The following MYO19 variants were observed in gnomAD, a reference collection of about 807,000 sequenced individuals.
The protein encoded by MYO19 is myosin XIX.
Under a neutral mutation model 129.2 loss-of-function variants are expected in MYO19, and 132 were observed. The observed-to-expected ratio is 1.02, with a 90% CI of 0.89 to 1.18. The LOEUF (loss-of-function observed/expected upper bound fraction) is 1.18. Among genes scored for constraint, MYO19 ranks in the 50% most tolerant of loss-of-function variants. The pLI is 0.00. For synonymous variants in MYO19, 531 were observed against 477.2 expected (o/e 1.11, Z -1.47); for missense variants, 1,210 against 1,216.7 (o/e 0.99, Z 0.08).
intron 6 of MYO19, among the ~76,000 whole-genome samples, chr17:36,519,353 C>T (rs1173092609): frequency 1.3e-5 from 2 of 152,192 alleles, no homozygotes; most frequent in South Asian, 2.1e-4. Context: ...AGCAACATTG[C>T]TTGTTCTAAT....
chr17:36,542,661 T>G (rs535793012), intron 1 of MYO19, among the ~76,000 whole-genome samples: 5 of 150,004 alleles, frequency 3.3e-5, no homozygotes, highest in Admixed American at 3.3e-4. Context: ...ATAGCGCCAC[T>G]GCACTCCAGC....
intron 3 of MYO19, among the ~76,000 whole-genome samples, chr17:36,531,080 T>C (rs2073806602): frequency 6.6e-6 from 1 of 150,478 alleles, no homozygotes; most frequent in Admixed American, 6.6e-5. Flanking sequence ...AAAATAAAAA[T>C]AAATAAACAA....
chr17:36,521,935 G>A (rs925346790), intron 6 of MYO19, among the ~76,000 whole-genome samples: 10 of 149,912 alleles, frequency 6.7e-5, no homozygotes, highest in African/African-American at 2.2e-4. Context: ...GGAAGCTGAG[G>A]CAGGAGAATT....
At chr17:36,510,524 T>C (rs1380443120) in intron 13 of MYO19, among the ~76,000 whole-genome samples, 1 of 152,190 alleles carries the variant, frequency 6.6e-6, no homozygotes, top group Non-Finnish European at 1.5e-5. Context: ...GCCAGGAATG[T>C]AGCAACTTTC....
intron 21 of MYO19, chr17:36,502,667 G>A (rs2071613387): frequency 5.5e-6 from 1 of 181,402 alleles, no homozygotes; most frequent in African/African-American, 2.4e-5. Flanking sequence ...ATTCCTTGAT[G>A]GAGCCCTACC....
upstream of MYO19, among the ~76,000 whole-genome samples, chr17:36,544,415 G>A (rs73278809): frequency 4.4e-3 from 669 of 152,270 alleles, 8 homozygotes; most frequent in African/African-American, 0.016. Flanking sequence ...CCAAGAGCCA[G>A]ACCTGAGTTT....
At chr17:36,496,540 A>C in intron 25 of MYO19, 134 bp from the exon 26 acceptor site, 1 of 776,010 alleles carries the variant, frequency 1.3e-6, no homozygotes, top group East Asian at 2.7e-5. Context: ...AGCAGGATTA[A>C]AATAGCATTA....
At position 36,542,460 on chromosome 17, in the gene MYO19, G is replaced by A. The variant is rs572596075; in HGVS notation, n.311-295C>T. Among the ~76,000 whole-genome samples, 7 of 152,256 alleles carry A rather than the reference G, an allele frequency of 4.6e-5. No individual in the cohort carries two copies. The South Asian group carries it at 1.5e-3, about 32-fold the overall frequency. On this transcript the variant is annotated intron_variant and non_coding_transcript_variant, in intron 1 of 2. Transcript: ENST00000610496. The stretch of plus-strand genomic sequence containing the variant: ...CACGCCTGTAATCCCAGCACTTTGG[G>A]AGGCCGAGGCGGGCGGATCAAGAGG...
chr17:36,496,133 CTGT>C lies in MYO19; in HGVS notation c.*115_*117del, dbSNP rs1166462451. ...TCTGGGTCGAAGGCTGGAGCCGTCA[CTGT>C]TGTTCATGTGCATTTGGAGCACTGT... On this transcript the variant is annotated 3_prime_UTR_variant, in exon 26 of 26. Transcript: ENST00000614623. 5 of 1,383,242 alleles carry C rather than the reference CTGT, an allele frequency of 3.6e-6. No homozygotes were observed. Among genetic ancestry groups the C allele is most frequent in the Non-Finnish European group, 5.0e-6 (5 of 997,540 alleles). The allele number at this position is 1,383,242 out of a possible 1,614,324, so 85.7% of individuals were successfully genotyped here.
intron 6 of MYO19, among the ~76,000 whole-genome samples, chr17:36,520,801 GTTAT>G (rs1355072427): frequency 3.9e-5 from 6 of 152,148 alleles, no homozygotes; most frequent in African/African-American, 1.4e-4. Flanking sequence ...TGACTGTTAT[GTTAT>G]TTGTCAGGTT....
intron 12 of MYO19, 147 bp downstream of exon 12, chr17:36,511,218 G>T: frequency 1.2e-6 from 1 of 826,402 alleles, no homozygotes. Flanking sequence ...AGGGTGAGGA[G>T]TAAATGATCC....
intron 6 of MYO19, among the ~76,000 whole-genome samples, chr17:36,522,028 T>TAAAA (rs370448301): frequency 8.7e-6 from 1 of 115,288 alleles, no homozygotes. Context: ...AGACTGTCTT[T>TAAAA]AAAAAAAAAA....
upstream of MYO19, among the ~76,000 whole-genome samples, chr17:36,543,863 G>A (rs2074216727): frequency 2.6e-5 from 4 of 151,986 alleles, no homozygotes. Flanking sequence ...TGACCCTCAG[G>A]TGATCCACCC....
intron 11 of MYO19, 170 bp downstream of exon 11, chr17:36,513,259 G>C: frequency 6.8e-7 from 1 of 1,473,094 alleles, no homozygotes; most frequent in Non-Finnish European, 8.9e-7. Context: ...CCCACCACCT[G>C]GTCTCCAGAC....
At chr17:36,537,013 A>G (rs765156151), upstream of MYO19, 12 of 1,212,354 alleles carry the variant, frequency 9.9e-6, no homozygotes, top group African/African-American at 3.1e-5. Context: ...TCTAGTAATA[A>G]GAGTAAAATT....
chr17:36,537,189 G>T (rs1253849400), upstream of MYO19: 2 of 1,614,152 alleles, frequency 1.2e-6, no homozygotes, highest in South Asian at 2.2e-5. Context: ...GTGCTTTCCT[G>T]CATTCTGTAT....
chr17:36,521,786 A>C (rs2073142598), intron 6 of MYO19, among the ~76,000 whole-genome samples: 1 of 152,162 alleles, frequency 6.6e-6, no homozygotes. Context: ...TAATCCCAGC[A>C]CTTTGGGAGG....
At chr17:36,516,295 C>T (rs1377001374) in intron 6 of MYO19, among the ~76,000 whole-genome samples, 1 of 152,166 alleles carries the variant, frequency 6.6e-6, no homozygotes, top group African/African-American at 2.4e-5. Context: ...ACAATAAAAC[C>T]AAAGCATAGA....
At chr17:36,503,001 C>A (rs1361998197) in intron 21 of MYO19, 96 bp downstream of exon 21, 1 of 1,009,108 alleles carries the variant, frequency 9.9e-7, no homozygotes, top group African/African-American at 1.6e-5. Flanking sequence ...GTTTTATTCA[C>A]CAGTAAGCCC....
Sources: allele counts gnomAD v4.1 joint callset (sites outside exome capture counted in the v4.1 genomes callset), GRCh38; gene constraint gnomAD v4.1.1; transcripts MANE v1.5; gene names NCBI Gene and HGNC (gene_info 2026-07-23, HGNC 2026-07-21).